Variants in ANTXR2 observed in about 807,000 individuals in gnomAD.
The protein encoded by ANTXR2 is anthrax toxin receptor 2.
Under a neutral mutation model 73.7 loss-of-function variants are expected in ANTXR2, and 44 were observed. The ratio of observed to expected loss-of-function variants is 0.60; its 90% CI spans 0.47 to 0.77. The LOEUF (loss-of-function observed/expected upper bound fraction) is 0.77. Among genes scored for constraint, ANTXR2 ranks in the 30% least tolerant of loss-of-function variants. The pLI, the probability that ANTXR2 is intolerant of heterozygous loss-of-function variation, is 0.00. For synonymous variants in ANTXR2, 217 were observed against 205.9 expected (o/e 1.05, Z -0.46); for missense variants, 604 against 592.5 (o/e 1.02, Z -0.20).
At chr4:79,999,374 G>T (rs1730904472) in intron 12 of ANTXR2, among the ~76,000 whole-genome samples, 1 of 151,956 alleles carries the variant, frequency 6.6e-6, no homozygotes, top group South Asian at 2.1e-4. Context: ...TCATGAAGAA[G>T]GTCTTTGCTT....
Position 80,036,483 on chromosome 4 carries a change from G to A in ANTXR2, c.637-451C>T, listed in dbSNP as rs972433145. Among the ~76,000 whole-genome samples, 7 of 152,122 alleles carry A rather than the reference G, an allele frequency of 4.6e-5. No individual in the cohort carries two copies. In the East Asian group the frequency reaches 5.8e-4, roughly 13 times the overall value. ...TAAAAAAGCACTGCTGACTGGGTGCGGTGGTTCAAAATAATATCAATAAAA... is the reference window on the plus strand; with the variant it reads ...TAAAAAAGCACTGCTGACTGGGTGCAGTGGTTCAAAATAATATCAATAAAA... On this transcript the variant is annotated intron_variant, in intron 7 of 16. Coordinates refer to ENST00000403729, the MANE Select transcript of ANTXR2 (RefSeq NM_058172.6).
intron 10 of ANTXR2, among the ~76,000 whole-genome samples, chr4:80,022,483 T>C (rs1220822182): frequency 3.3e-5 from 5 of 152,228 alleles, no homozygotes; most frequent in Non-Finnish European, 7.3e-5. Context: ...TTTTCTGGCA[T>C]AGGTTGAGAA....
chr4:80,060,406 T>C (rs1226002437), intron 3 of ANTXR2, among the ~76,000 whole-genome samples: 1 of 152,206 alleles, frequency 6.6e-6, no homozygotes. Context: ...CTTGTGTTAT[T>C]GGAATGCGTT....
In ANTXR2 at chr4:80,054,341, A is replaced by T; in HGVS notation, c.567T>A (p.Ile189=). ...GGAAAACTTGCTCCTTGGAATCAGC[A>T]ATTCTTTCAAGCTTTAGAAAGAAGA... The part of the protein sequence containing the change: ...LDFEQAQLER[I]ADSKEQVFPV... The change falls in exon 7 of 17, where the codon ATT becomes ATA. Residue 189 remains isoleucine (I), a synonymous_variant. Coordinates refer to ENST00000403729, the MANE Select transcript of ANTXR2 (RefSeq NM_058172.6). The T allele has an allele frequency of 6.3e-7, 1 of 1,591,042 alleles. No individual in the cohort carries two copies. The highest frequency in any genetic ancestry group is 8.6e-7 in the Non-Finnish European group (1 of 1,169,378).
In ANTXR2 at chr4:80,002,631, A is replaced by C. The variant is rs1348009807; in HGVS notation, c.1041+5890T>G. ...CATCAGAGTCAACAGGCAACCTACAAAATGGGAGAAAATTTTTGCAACCTA... is the reference window on the plus strand; with the variant it reads ...CATCAGAGTCAACAGGCAACCTACACAATGGGAGAAAATTTTTGCAACCTA... On this transcript the variant is annotated intron_variant, in intron 12 of 16. Transcript: ENST00000403729. 2.6e-5 allele frequency among the ~76,000 whole-genome samples: 4 copies of C among 151,978 alleles called. No individual in the cohort carries two copies. The East Asian group carries it at 7.7e-4, about 29-fold the overall frequency.
At chr4:79,912,055 T>G (rs1727164089) in intron 16 of ANTXR2, among the ~76,000 whole-genome samples, 1 of 151,886 alleles carries the variant, frequency 6.6e-6, no homozygotes, top group African/African-American at 2.4e-5. Context: ...TATTACCTTA[T>G]TTTGGTTTGG....
intron 16 of ANTXR2, among the ~76,000 whole-genome samples, chr4:79,925,381 A>G (rs1236151847): frequency 6.6e-6 from 1 of 151,760 alleles, no homozygotes; most frequent in East Asian, 1.9e-4. Context: ...TAAATATCCA[A>G]TTTAACATAT....
chr4:80,043,270 A>AGCC (rs34415982), intron 7 of ANTXR2, among the ~76,000 whole-genome samples: 58,475 of 151,784 alleles, frequency 0.39, 12,523 homozygotes, highest in Admixed American at 0.47. Flanking sequence ...GCTGCATTCC[A>AGCC]TATTGTGCCA....
In ANTXR2 at chr4:80,071,670, G is replaced by A; in HGVS notation, c.153-16C>T. The A allele has an allele frequency of 1.3e-6, 2 of 1,591,294 alleles. No individual in the cohort carries two copies. Among genetic ancestry groups the A allele is most frequent in the Non-Finnish European group, 1.7e-6 (2 of 1,159,776 alleles). On this transcript the variant is annotated splice_polypyrimidine_tract_variant and intron_variant, in intron 1 of 16. Coordinates refer to ENST00000403729, the MANE Select transcript of ANTXR2 (RefSeq NM_058172.6). ...ACTCCCAGACCTGAAAGATGAAATT[G>A]AACTGATCAGAGAAACAAAACACGG...
At chr4:80,035,128 A>G (rs1732895903) in intron 8 of ANTXR2, among the ~76,000 whole-genome samples, 1 of 152,214 alleles carries the variant, frequency 6.6e-6, no homozygotes, top group African/African-American at 2.4e-5. Flanking sequence ...GGAGTTTAAT[A>G]AACAACAGCT....
intron 12 of ANTXR2, among the ~76,000 whole-genome samples, chr4:79,998,619 C>T (rs1402435655): frequency 6.6e-6 from 1 of 151,986 alleles, no homozygotes; most frequent in East Asian, 1.9e-4. Context: ...ACTAACAATT[C>T]AAAACAGGAT....
At chr4:80,042,707 ATAAC>A (rs1224596532) in intron 7 of ANTXR2, among the ~76,000 whole-genome samples, 13 of 152,094 alleles carry the variant, frequency 8.5e-5, no homozygotes, top group Admixed American at 8.5e-4. Context: ...GCTATGAAAA[ATAAC>A]TGTGCATGGA....
At chr4:79,956,047 A>G (rs1728874766) in intron 16 of ANTXR2, among the ~76,000 whole-genome samples, 2 of 152,156 alleles carry the variant, frequency 1.3e-5, no homozygotes, top group Non-Finnish European at 2.9e-5. Flanking sequence ...TAGGGATGGA[A>G]GTTGCAGTAT....
Position 79,995,963 on chromosome 4 carries a change from G to A in ANTXR2, c.1042-11100C>T, listed in dbSNP as rs149860292. On this transcript the variant is annotated intron_variant, in intron 12 of 16. Coordinates refer to ENST00000403729, the MANE Select transcript of ANTXR2 (RefSeq NM_058172.6). ...CTGTGTGTTGTTAACACTATTAACAGGAACCACCCTTTATTGGTGCTGCCA... is the reference window on the plus strand; with the variant it reads ...CTGTGTGTTGTTAACACTATTAACAAGAACCACCCTTTATTGGTGCTGCCA... Among the ~76,000 whole-genome samples, 695 of 152,080 alleles carry A rather than the reference G, an allele frequency of 4.6e-3. 10 individuals are homozygous for A. Among genetic ancestry groups the A allele is most frequent in the African/African-American group, 0.016 (660 of 41,524 alleles).
chr4:79,983,709 C>T lies in ANTXR2; in HGVS notation c.1179+169G>A, dbSNP rs577788770. Reference sequence around the variant, plus strand: ...CAGTTCTTCTAGGCCAGTTTTGCAGCGGCTAGGATGATTCCATAGAAAAAA... The same window carrying T: ...CAGTTCTTCTAGGCCAGTTTTGCAGTGGCTAGGATGATTCCATAGAAAAAA... On this transcript the variant is annotated intron_variant, in intron 14 of 16. Transcript: ENST00000403729. Among the ~76,000 whole-genome samples, 25 of 152,026 alleles carry T rather than the reference C, an allele frequency of 1.6e-4. No individual in the cohort carries two copies. In the East Asian group the frequency reaches 3.9e-3, roughly 24 times the overall value.
intron 7 of ANTXR2, among the ~76,000 whole-genome samples, chr4:80,037,831 T>C (rs1161045820): frequency 1.3e-5 from 2 of 152,136 alleles, no homozygotes; most frequent in Non-Finnish European, 2.9e-5. Flanking sequence ...ATGGACATTA[T>C]AGCTATAGCT....
intron 7 of ANTXR2, among the ~76,000 whole-genome samples, chr4:80,038,392 AGGAG>A (rs1319622863): frequency 6.6e-6 from 1 of 152,116 alleles, no homozygotes; most frequent in Non-Finnish European, 1.5e-5. Flanking sequence ...AATTCTCCTA[AGGAG>A]ATCTCTTTAA....
intron 8 of ANTXR2, among the ~76,000 whole-genome samples, chr4:80,034,888 T>G (rs1732884163): frequency 6.6e-6 from 1 of 152,160 alleles, no homozygotes; most frequent in Non-Finnish European, 1.5e-5. Flanking sequence ...GAATTTCACT[T>G]GCAAGTTAAA....
chr4:80,001,902 G>A (rs1221567251), intron 12 of ANTXR2, among the ~76,000 whole-genome samples: 2 of 151,184 alleles, frequency 1.3e-5, no homozygotes, highest in African/African-American at 4.9e-5. Context: ...CATTTGCTTG[G>A]TAGATCTTCC....
Sources: gnomAD v4.1 joint callset for allele counts (sites outside exome capture counted in the v4.1 genomes callset) on GRCh38, gnomAD v4.1.1 for gene constraint, MANE v1.5 for transcripts, NCBI Gene and HGNC (gene_info 2026-07-23, HGNC 2026-07-21) for gene names.